The following ATP13A4 variants were observed in gnomAD, a reference collection of about 807,000 sequenced individuals.
ATP13A4 encodes the protein ATPase 13A4, also known as probable cation-transporting ATPase 13A4.
In ATP13A4, 114 loss-of-function variants were observed where a neutral mutation model predicts 142.5. The ratio of observed to expected loss-of-function variants is 0.80; its 90% CI spans 0.69 to 0.93. The LOEUF is 0.93. Among genes scored for constraint, ATP13A4 ranks in the 40% least tolerant of loss-of-function variants. The pLI is 0.00. For synonymous variants in ATP13A4, 488 were observed against 514.8 expected (o/e 0.95, Z 0.70); for missense variants, 1,392 against 1,454.0 (o/e 0.96, Z 0.69).
intron 18 of ATP13A4, among the ~76,000 whole-genome samples, chr3:193,442,975 G>A (rs1716736617): frequency 6.6e-6 from 1 of 152,176 alleles, no homozygotes; most frequent in African/African-American, 2.4e-5. Context: ...AAACCAAGAA[G>A]CAACTCCCCA....
intron 25 of ATP13A4, 95 bp downstream of exon 25, chr3:193,433,750 C>T: frequency 1.2e-6 from 1 of 845,316 alleles, no homozygotes; most frequent in Non-Finnish European, 2.1e-6. Flanking sequence ...GCTGCTGTTG[C>T]AGCTGCTGTT....
intron 1 of ATP13A4, among the ~76,000 whole-genome samples, chr3:193,523,552 G>A (rs1446777657): frequency 6.6e-6 from 1 of 152,186 alleles, no homozygotes; most frequent in Admixed American, 6.5e-5. Flanking sequence ...CTAAATGATG[G>A]TATTCGCAGA....
intron 6 of ATP13A4, among the ~76,000 whole-genome samples, chr3:193,490,446 G>A (rs1719883108): frequency 6.6e-6 from 1 of 152,170 alleles, no homozygotes; most frequent in African/African-American, 2.4e-5. Flanking sequence ...TTGATTAATG[G>A]GTGAGTTGAA....
intron 7 of ATP13A4, among the ~76,000 whole-genome samples, chr3:193,484,564 G>A (rs201029625): frequency 3.9e-5 from 6 of 151,942 alleles, no homozygotes; most frequent in East Asian, 3.9e-4. Context: ...TCATTTTGTC[G>A]TCCTGATTTT....
intron 25 of ATP13A4, among the ~76,000 whole-genome samples, chr3:193,420,248 T>G (rs1256978107): frequency 6.7e-6 from 1 of 149,164 alleles, no homozygotes; most frequent in African/African-American, 2.5e-5. Flanking sequence ...AAATGGCCAC[T>G]GAGGCACTCA....
chr3:193,578,721 T>A (rs1724465488), intron 2 of ATP13A4: 2 of 152,720 alleles, frequency 1.3e-5, no homozygotes, highest in African/African-American at 4.8e-5. Context: ...CCTCTGTCTG[T>A]CTGTCTGTCT....
Position 193,448,383 on chromosome 3 carries a change from T to TG in ATP13A4, c.2028-54_2028-53insC, listed in dbSNP as rs1163725623. 2.5e-6 allele frequency: 4 copies of TG among 1,603,334 alleles called. No homozygotes were observed. The African/African-American group carries it at 5.3e-5, about 21-fold the overall frequency. On this transcript the variant is annotated intron_variant, in intron 17 of 29. Coordinates refer to ENST00000342695, the MANE Select transcript of ATP13A4 (RefSeq NM_032279.4). The stretch of plus-strand genomic sequence containing the variant: ...ACAGAAATAACACATATTACAGCTT[T>TG]TTTTTTGAGACGGAGTCTCGCTCTG...
intron 8 of ATP13A4, among the ~76,000 whole-genome samples, chr3:193,472,036 G>A (rs867920005): frequency 6.6e-6 from 1 of 152,176 alleles, no homozygotes; most frequent in Non-Finnish European, 1.5e-5. Context: ...AGGTGAAAAG[G>A]GTGTCTACAT....
chr3:193,414,763 T>A lies in ATP13A4; in HGVS notation c.2843-13A>T. 3.1e-6 allele frequency: 5 copies of A among 1,613,172 alleles called. No individual in the cohort carries two copies. Among genetic ancestry groups the A allele is most frequent in the Non-Finnish European group, 4.2e-6 (5 of 1,179,354 alleles). On this transcript the variant is annotated splice_polypyrimidine_tract_variant and intron_variant, in intron 25 of 29. Coordinates refer to ENST00000342695, the MANE Select transcript of ATP13A4 (RefSeq NM_032279.4). ...CCATTCAGATTCACTATAAAATAAA[T>A]TCGAATTTTATATTTATGAGAGCAG...
intron 1 of ATP13A4, among the ~76,000 whole-genome samples, chr3:193,539,551 C>G (rs1722770654): frequency 6.6e-6 from 1 of 152,216 alleles, no homozygotes; most frequent in African/African-American, 2.4e-5. Context: ...CTCACAGCTG[C>G]CTAAGACATC....
At chr3:193,525,073 G>A (rs1055698565) in intron 1 of ATP13A4, among the ~76,000 whole-genome samples, 10 of 152,120 alleles carry the variant, frequency 6.6e-5, no homozygotes, top group African/African-American at 2.2e-4. Context: ...TATGCGTCAG[G>A]GATTGCTGAA....
chr3:193,585,822 C>T (rs779239869), intron 1 of ATP13A4, among the ~76,000 whole-genome samples: 1 of 152,054 alleles, frequency 6.6e-6, no homozygotes, highest in Non-Finnish European at 1.5e-5. Context: ...TCCATGAACA[C>T]GTTTTTACTT....
chr3:193,541,237 A>G (rs1235306384), intron 1 of ATP13A4, among the ~76,000 whole-genome samples: 1 of 137,668 alleles, frequency 7.3e-6, no homozygotes, highest in African/African-American at 2.7e-5. Flanking sequence ...CGACAGAGCG[A>G]GACTCCTTCT....
chr3:193,460,086 T>C (rs1717866728), intron 13 of ATP13A4, among the ~76,000 whole-genome samples: 1 of 152,166 alleles, frequency 6.6e-6, no homozygotes, highest in African/African-American at 2.4e-5. Context: ...AATCTGCTCC[T>C]GGGAGCCAGT....
intron 1 of ATP13A4, among the ~76,000 whole-genome samples, chr3:193,526,812 T>G (rs1258026013): frequency 6.6e-6 from 1 of 152,154 alleles, no homozygotes; most frequent in Non-Finnish European, 1.5e-5. Flanking sequence ...TGGGCTTTAG[T>G]TAGAGAGGGC....
intron 1 of ATP13A4, among the ~76,000 whole-genome samples, chr3:193,582,631 A>ATT (rs61346318): frequency 1.9e-5 from 1 of 51,700 alleles, no homozygotes. Flanking sequence ...TGTATATTAC[A>ATT]TACATTATAT....
At chr3:193,469,089 C>T (rs1718467592) in intron 9 of ATP13A4, among the ~76,000 whole-genome samples, 1 of 152,034 alleles carries the variant, frequency 6.6e-6, no homozygotes, top group Admixed American at 6.6e-5. Flanking sequence ...CAGAAGCAGA[C>T]AAGATTACTT....
chr3:193,439,186 C>T (rs897819413), intron 21 of ATP13A4, 121 bp from the exon 22 acceptor site: 9 of 1,060,552 alleles, frequency 8.5e-6, no homozygotes, highest in African/African-American at 1.6e-5. Context: ...GGGAATTTTC[C>T]TAAGAGTCTA....
chr3:193,489,086 G>T (rs1418450864), intron 7 of ATP13A4, among the ~76,000 whole-genome samples: 1 of 152,142 alleles, frequency 6.6e-6, no homozygotes, highest in Admixed American at 6.5e-5. Flanking sequence ...ATTAAAGAAA[G>T]AGTGGAATAT....
Sources: gnomAD v4.1 joint callset for allele counts (sites outside exome capture counted in the v4.1 genomes callset) on GRCh38, gnomAD v4.1.1 for gene constraint, MANE v1.5 for transcripts, NCBI Gene and HGNC (gene_info 2026-07-23, HGNC 2026-07-21) for gene names.